The following ADGRB3 variants were observed in gnomAD, a reference collection of about 807,000 sequenced individuals.
ADGRB3 encodes brain-specific angiogenesis inhibitor 3.
ADGRB3 carries 37 observed loss-of-function variants against 193.4 expected under a neutral mutation model. The ratio of observed to expected loss-of-function variants is 0.19; its 90% CI spans 0.15 to 0.25. The LOEUF is 0.25. ADGRB3 is among the 10% of genes least tolerant of loss of function. ADGRB3 has a pLI of 1.00. For synonymous variants in ADGRB3, 690 were observed against 644.2 expected, an observed-to-expected ratio of 1.07 and a Z score of -1.08; for missense variants, 1,637 against 1,852.9, an observed-to-expected ratio of 0.88 and a Z score of 2.14.
intron 20 of ADGRB3, among the ~76,000 whole-genome samples, chr6:69,268,085 A>T (rs1767086441): frequency 6.6e-6 from 1 of 152,198 alleles, no homozygotes; most frequent in Non-Finnish European, 1.5e-5. Flanking sequence ...AGAAAAATTC[A>T]GCATGTATTC....
At chr6:68,734,412 T>C (rs1359273903) in intron 3 of ADGRB3, among the ~76,000 whole-genome samples, 2 of 152,022 alleles carry the variant, frequency 1.3e-5, no homozygotes, top group Non-Finnish European at 2.9e-5. Flanking sequence ...GTCAGCTTCT[T>C]CCTATTCATA....
intron 20 of ADGRB3, among the ~76,000 whole-genome samples, chr6:69,251,914 T>A (rs1766631891): frequency 6.6e-6 from 1 of 152,166 alleles, no homozygotes; most frequent in Non-Finnish European, 1.5e-5. Context: ...CCCTTTCTAA[T>A]TGAAGTTAAA....
rs564831427 is a variant in ADGRB3, at chr6:69,195,117, C to T, written c.2481-38173C>T. 2.0e-5 allele frequency among the ~76,000 whole-genome samples: 3 copies of T among 152,234 alleles called. No homozygotes were observed. In the East Asian group the frequency reaches 5.8e-4, roughly 29 times the overall value. On this transcript the variant is annotated intron_variant, in intron 17 of 31. Coordinates refer to ENST00000370598, the MANE Select transcript of ADGRB3 (RefSeq NM_001704.3). ...TTCAAGGACAAGCTACTTCACTTAT[C>T]CACTTGTCACTGAATTCATGTTGGA...
At chr6:68,773,062 G>A (rs1766670840) in intron 3 of ADGRB3, among the ~76,000 whole-genome samples, 1 of 151,600 alleles carries the variant, frequency 6.6e-6, no homozygotes, top group Non-Finnish European at 1.5e-5. Context: ...GCTGCAGTGA[G>A]CTATGATTGC....
rs1386347336 is a variant in ADGRB3, at chr6:68,721,655, T to TATATATATATATATATATAA, written c.757+82224_757+82225insTATATATATATATATATAAA. ...ATATATATATATATATATATATATATAAATTATCATCTCAACTTCAATAAG... is the reference window on the plus strand; with the variant it reads ...ATATATATATATATATATATATATATATATATATATATATATATAAAAATTATCATCTCAACTTCAATAAG... On this transcript the variant is annotated intron_variant, in intron 3 of 31. Coordinates refer to ENST00000370598, the MANE Select transcript of ADGRB3 (RefSeq NM_001704.3). Among the ~76,000 whole-genome samples, 5 of 141,350 alleles carry TATATATATATATATATATAA rather than the reference T, an allele frequency of 3.5e-5. 1 individual carries two copies. Among genetic ancestry groups the TATATATATATATATATATAA allele is most frequent in the African/African-American group, 1.3e-4 (5 of 39,186 alleles). 92.7% of individuals were successfully genotyped at this position (141,350 alleles called of 152,430 possible). A position where few individuals can be genotyped will look rare whatever the true frequency, so the allele number is the denominator to read the frequency against.
chr6:68,710,165 A>G (rs1765386098), intron 3 of ADGRB3, among the ~76,000 whole-genome samples: 2 of 152,162 alleles, frequency 1.3e-5, no homozygotes, highest in African/African-American at 4.8e-5. Context: ...AGTGGGGAGG[A>G]TGGATAATGC....
At chr6:69,351,276 G>T (rs541563836) in intron 26 of ADGRB3, among the ~76,000 whole-genome samples, 1 of 151,194 alleles carries the variant, frequency 6.6e-6, no homozygotes, top group South Asian at 2.1e-4. Flanking sequence ...TATTTTTTTA[G>T]TAGAGATGGG....
intron 6 of ADGRB3, 67 bp from the exon 7 acceptor site, chr6:68,955,957 G>C: frequency 6.5e-7 from 1 of 1,534,584 alleles, no homozygotes; most frequent in South Asian, 1.3e-5. Flanking sequence ...GGTTTTACCA[G>C]GTACTTTCTG....
intron 26 of ADGRB3, among the ~76,000 whole-genome samples, chr6:69,347,791 GA>G (rs999234254): frequency 1.4e-4 from 21 of 145,900 alleles, no homozygotes; most frequent in East Asian, 6.0e-4. Flanking sequence ...TCTCTAAAAA[GA>G]AAAAAAAAAT....
chr6:68,649,557 G>A (rs1768297852), intron 3 of ADGRB3, among the ~76,000 whole-genome samples: 1 of 151,918 alleles, frequency 6.6e-6, no homozygotes, highest in Non-Finnish European at 1.5e-5. Flanking sequence ...ATATGAGATA[G>A]GTCTCAAAAA....
chr6:69,019,888 T>C (rs1770210771), intron 13 of ADGRB3, among the ~76,000 whole-genome samples: 1 of 151,992 alleles, frequency 6.6e-6, no homozygotes, highest in Non-Finnish European at 1.5e-5. Context: ...CCCAATTAAA[T>C]GTCCATTATA....
chr6:69,238,735 T>C (rs1582568848), intron 19 of ADGRB3, among the ~76,000 whole-genome samples: 1 of 151,916 alleles, frequency 6.6e-6, no homozygotes, highest in East Asian at 1.9e-4. Flanking sequence ...ATGATAATGC[T>C]AAACATACAT....
intron 17 of ADGRB3, among the ~76,000 whole-genome samples, chr6:69,163,345 A>C (rs1775047186): frequency 6.6e-6 from 1 of 152,094 alleles, no homozygotes; most frequent in Non-Finnish European, 1.5e-5. Context: ...CTTTACTTTA[A>C]TTGGGCAGCT....
At chr6:68,857,086 C>T (rs901816589) in intron 3 of ADGRB3, among the ~76,000 whole-genome samples, 7 of 152,180 alleles carry the variant, frequency 4.6e-5, no homozygotes, top group Non-Finnish European at 1.0e-4. Context: ...GGAACCTCCA[C>T]CTAGATTTCA....
At chr6:68,969,149 CAACACTGGGG>C (rs1481049344) in intron 8 of ADGRB3, among the ~76,000 whole-genome samples, 1 of 151,758 alleles carries the variant, frequency 6.6e-6, no homozygotes, top group African/African-American at 2.4e-5. Context: ...GTCTAAAAAG[CAACACTGGGG>C]AATTGGGGAG....
chr6:69,267,810 G>A (rs897224248), intron 20 of ADGRB3, among the ~76,000 whole-genome samples: 3 of 152,100 alleles, frequency 2.0e-5, no homozygotes, highest in Admixed American at 2.0e-4. Context: ...AGGAGTAAGA[G>A]ACTTATGATA....
chr6:69,072,815 T>C (rs1410696252), intron 16 of ADGRB3, among the ~76,000 whole-genome samples: 1 of 152,208 alleles, frequency 6.6e-6, no homozygotes, highest in Non-Finnish European at 1.5e-5. Context: ...TAGGTAAATA[T>C]AGCATAACTT....
At chr6:69,233,998 A>G (rs924385435) in intron 18 of ADGRB3, among the ~76,000 whole-genome samples, 1 of 152,224 alleles carries the variant, frequency 6.6e-6, no homozygotes, top group Admixed American at 6.5e-5. Context: ...ACAGCTGTAC[A>G]TAACTGTCTG....
intron 17 of ADGRB3, among the ~76,000 whole-genome samples, chr6:69,095,665 T>C (rs181868779): frequency 6.6e-6 from 1 of 152,314 alleles, no homozygotes; most frequent in East Asian, 1.9e-4. Flanking sequence ...TTACATTGTA[T>C]TTCATGAGTT....
Sources: gnomAD v4.1 joint callset for allele counts (sites outside exome capture counted in the v4.1 genomes callset) on GRCh38, gnomAD v4.1.1 for gene constraint, MANE v1.5 for transcripts, NCBI Gene and HGNC (gene_info 2026-07-23, HGNC 2026-07-21) for gene names.